The following RIT2 variants were observed in gnomAD, a reference collection of about 807,000 sequenced individuals.
RIT2 encodes GTP-binding protein Rit2.
A neutral mutation model predicts 23.7 loss-of-function variants in RIT2; 24 were observed. That is an observed-to-expected ratio of 1.01 (90% CI 0.73 to 1.43). The LOEUF is 1.43. RIT2 is among the 40% of genes most tolerant of loss of function. RIT2 has a pLI of 0.00. For synonymous variants in RIT2, 107 were observed against 91.1 expected (o/e 1.17, Z -0.99); for missense variants, 236 against 266.9 (o/e 0.88, Z 0.81).
At chr18:43,092,698 C>A (rs191291184) in intron 1 of RIT2, among the ~76,000 whole-genome samples, 1 of 152,114 alleles carries the variant, frequency 6.6e-6, no homozygotes, top group South Asian at 2.1e-4. Flanking sequence ...AGCTTGAAGG[C>A]AGCATTTTAC....
chr18:43,073,194 A>G (rs929009511), intron 1 of RIT2, among the ~76,000 whole-genome samples: 6 of 152,198 alleles, frequency 3.9e-5, no homozygotes, highest in Non-Finnish European at 5.9e-5. Context: ...TCTTAGTCAA[A>G]TGACAGCTCA....
chr18:42,823,530 G>A (rs1482471766), intron 4 of RIT2, among the ~76,000 whole-genome samples: 1 of 152,138 alleles, frequency 6.6e-6, no homozygotes, highest in Non-Finnish European at 1.5e-5. Flanking sequence ...GGTGTAAACA[G>A]CATTACAGGA....
chr18:42,810,933 A>C (rs73486739), intron 4 of RIT2, among the ~76,000 whole-genome samples: 11,685 of 151,916 alleles, frequency 0.077, 1,440 homozygotes, highest in African/African-American at 0.26. Context: ...TCAGATAAAT[A>C]TTTTCAATTT....
At chr18:42,763,236 G>A (rs1412989072) in intron 4 of RIT2, among the ~76,000 whole-genome samples, 3 of 152,200 alleles carry the variant, frequency 2.0e-5, no homozygotes, top group African/African-American at 4.8e-5. Flanking sequence ...GCCAAGGCAG[G>A]TGGATCACGA....
At chr18:42,854,082 C>A (rs1248586943) in intron 4 of RIT2, among the ~76,000 whole-genome samples, 2 of 152,072 alleles carry the variant, frequency 1.3e-5, no homozygotes, top group Non-Finnish European at 2.9e-5. Context: ...TATTATTATT[C>A]TTTAAACATT....
At chr18:43,086,365 G>C (rs921941108) in intron 1 of RIT2, among the ~76,000 whole-genome samples, 7 of 152,098 alleles carry the variant, frequency 4.6e-5, no homozygotes, top group Non-Finnish European at 1.0e-4. Flanking sequence ...TATAACTTAA[G>C]GGAAATAGAT....
intron 1 of RIT2, among the ~76,000 whole-genome samples, chr18:43,108,397 G>A (rs1174576852): frequency 6.6e-5 from 10 of 151,256 alleles, no homozygotes; most frequent in South Asian, 2.1e-4. Flanking sequence ...CTTATAAAAC[G>A]CAGACAGTAA....
chr18:42,767,376 C>T (rs1400255352), intron 4 of RIT2, among the ~76,000 whole-genome samples: 3 of 152,188 alleles, frequency 2.0e-5, no homozygotes, highest in East Asian at 3.9e-4. Flanking sequence ...AATTTGACTG[C>T]CCTGCTGGAT....
chr18:42,858,709 C>T lies in RIT2; in HGVS notation c.426+64863G>A, dbSNP rs555248662. On this transcript the variant is annotated intron_variant, in intron 4 of 4. Coordinates refer to ENST00000326695, the MANE Select transcript of RIT2 (RefSeq NM_002930.4). ...GACATTTGAAGTTGATTCTAATTCC[C>T]CATTATCTGGTCCCTGAGGCTGTGG... is the stretch of plus-strand genomic sequence containing the variant. Among the ~76,000 whole-genome samples the T allele has an allele frequency of 6.6e-5, 10 of 152,218 alleles. No individual in the cohort carries two copies. In the South Asian group the frequency reaches 2.1e-3, roughly 32 times the overall value.
At chr18:42,978,576 A>T (rs78566708) in intron 2 of RIT2, among the ~76,000 whole-genome samples, 1 of 152,156 alleles carries the variant, frequency 6.6e-6, no homozygotes, top group South Asian at 2.1e-4. Flanking sequence ...TATCTTCTCA[A>T]GCATGAGGCC....
intron 4 of RIT2, among the ~76,000 whole-genome samples, chr18:42,893,558 G>A (rs1349151316): frequency 2.0e-5 from 3 of 152,146 alleles, no homozygotes; most frequent in Admixed American, 2.0e-4. Flanking sequence ...CTTTTGCATT[G>A]GAGGTTAGAT....
At chr18:43,083,779 C>A (rs762665013) in intron 1 of RIT2, among the ~76,000 whole-genome samples, 1 of 152,088 alleles carries the variant, frequency 6.6e-6, no homozygotes, top group Non-Finnish European at 1.5e-5. Context: ...ACCATAAAAA[C>A]CCTAGAGGAA....
At chr18:43,006,826 G>T (rs1023809775) in intron 2 of RIT2, among the ~76,000 whole-genome samples, 76 of 151,328 alleles carry the variant, frequency 5.0e-4, no homozygotes, top group African/African-American at 1.6e-3. Flanking sequence ...ATTAAAAAGA[G>T]AAGAATTTAA....
chr18:42,943,235 T>A (rs1441410894), intron 3 of RIT2, among the ~76,000 whole-genome samples: 1 of 152,134 alleles, frequency 6.6e-6, no homozygotes, highest in Non-Finnish European at 1.5e-5. Flanking sequence ...ATTTTTAGGA[T>A]GCTGCTGATT....
At chr18:42,798,144 T>C (rs1433505390) in intron 4 of RIT2, among the ~76,000 whole-genome samples, 1 of 152,252 alleles carries the variant, frequency 6.6e-6, no homozygotes, top group East Asian at 1.9e-4. Flanking sequence ...CTTTTCAGCA[T>C]ATATGCGTTG....
chr18:43,063,304 A>T (rs532802286), intron 1 of RIT2, among the ~76,000 whole-genome samples: 11 of 152,292 alleles, frequency 7.2e-5, no homozygotes, highest in Admixed American at 3.9e-4. Context: ...CGTCAAAAGC[A>T]CAGGGTTCTA....
intron 3 of RIT2, among the ~76,000 whole-genome samples, chr18:42,959,713 G>T (rs977203134): frequency 6.6e-6 from 1 of 152,132 alleles, no homozygotes; most frequent in Non-Finnish European, 1.5e-5. Context: ...ATTAATAAAA[G>T]TTCATAATTT....
chr18:43,008,773 T>C (rs1485140322), intron 2 of RIT2, among the ~76,000 whole-genome samples: 3 of 151,566 alleles, frequency 2.0e-5, no homozygotes, highest in South Asian at 2.1e-4. Context: ...AAAAATGTTT[T>C]TAAAAAGGTT....
chr18:42,873,121 G>A (rs1246765163), intron 4 of RIT2, among the ~76,000 whole-genome samples: 2 of 152,122 alleles, frequency 1.3e-5, no homozygotes, highest in Admixed American at 6.6e-5. Context: ...ATGACTGGGT[G>A]TGGAGACATT....
Sources: allele counts gnomAD v4.1 joint callset (sites outside exome capture counted in the v4.1 genomes callset), GRCh38; gene constraint gnomAD v4.1.1; transcripts MANE v1.5; gene names NCBI Gene and HGNC (gene_info 2026-07-23, HGNC 2026-07-21).